GABRG2: variants seen among roughly 807,000 people sequenced by gnomAD.
The protein encoded by GABRG2 is gamma-aminobutyric acid type A receptor subunit gamma2, also known as gamma-aminobutyric acid receptor subunit gamma-2.
A neutral mutation model predicts 56.4 loss-of-function variants in GABRG2; 16 were observed. The ratio of observed to expected loss-of-function variants is 0.28; its 90% CI spans 0.19 to 0.43. The LOEUF (loss-of-function observed/expected upper bound fraction) is 0.43, where lower values mean the gene tolerates loss of function less well. GABRG2 is among the 20% of genes least tolerant of loss of function. The pLI is 1.00. For synonymous variants in GABRG2, 208 were observed against 205.5 expected (o/e 1.01, Z -0.10); for missense variants, 327 against 582.7 (o/e 0.56, Z 4.52).
intron 1 of GABRG2, among the ~76,000 whole-genome samples, chr5:162,080,565 CTCAAAACCAT>C (rs1192926565): frequency 6.6e-6 from 1 of 152,102 alleles, no homozygotes; most frequent in African/African-American, 2.4e-5. Flanking sequence ...AATGTACGGT[CTCAAAACCAT>C]TGTAAGTAAT....
In GABRG2 at chr5:162,075,703, C is replaced by A. The variant is rs762219336; in HGVS notation, c.107+7597C>A. Among the ~76,000 whole-genome samples, 32 of 151,736 alleles carry A rather than the reference C, an allele frequency of 2.1e-4. 1 individual carries two copies. The highest frequency in any genetic ancestry group is 3.2e-4 in the Non-Finnish European group (22 of 67,970). On this transcript the variant is annotated intron_variant, in intron 1 of 9. Coordinates refer to ENST00000639213, the MANE Select transcript of GABRG2 (RefSeq NM_198904.4). ...TCTTTTCCTAAAAAGGAAATATTTT[C>A]AACTTTTTTTACAGTATCTCACTGT...
intron 6 of GABRG2, among the ~76,000 whole-genome samples, chr5:162,136,076 C>T (rs543402166): frequency 2.6e-5 from 4 of 152,112 alleles, no homozygotes; most frequent in African/African-American, 9.6e-5. Context: ...GAGAATTTTC[C>T]CCTTGGAAAA....
chr5:162,078,501 G>C (rs1047137899), intron 1 of GABRG2, among the ~76,000 whole-genome samples: 4 of 138,900 alleles, frequency 2.9e-5, no homozygotes, highest in Admixed American at 2.3e-4. Context: ...GCGCCTCCCA[G>C]GTTCATGCAT....
chr5:162,087,006 C>A (rs141417115), intron 1 of GABRG2, among the ~76,000 whole-genome samples: 3 of 151,944 alleles, frequency 2.0e-5, no homozygotes, highest in Admixed American at 2.0e-4. Flanking sequence ...TCATTATTAG[C>A]AGATAATGCC....
In GABRG2 at chr5:162,090,301, GACATAC is replaced by G. The variant is rs1554097405; in HGVS notation, c.108-3508_108-3503del. 1.9e-3 allele frequency among the ~76,000 whole-genome samples: 274 copies of G among 145,588 alleles called. 1 individual carries two copies. The highest frequency in any genetic ancestry group is 6.6e-3 in the African/African-American group (247 of 37,526). On this transcript the variant is annotated intron_variant, in intron 1 of 9. Coordinates refer to ENST00000639213, the MANE Select transcript of GABRG2 (RefSeq NM_198904.4). ...ACACTTACACGTACATATACACATA[GACATAC>G]ACATACACATACACATACCATACAC...
chr5:162,113,636 A>G (rs1762407373), intron 6 of GABRG2, among the ~76,000 whole-genome samples: 3 of 152,212 alleles, frequency 2.0e-5, no homozygotes, highest in Admixed American at 2.0e-4. Flanking sequence ...TCCAAACATA[A>G]TTTGTAATCT....
chr5:162,082,957 T>G (rs912408514), intron 1 of GABRG2, among the ~76,000 whole-genome samples: 22 of 151,718 alleles, frequency 1.5e-4, no homozygotes, highest in African/African-American at 5.1e-4. Context: ...GATTTGGCAT[T>G]TGTTTACCTT....
chr5:162,126,025 G>T (rs184197334), intron 6 of GABRG2, among the ~76,000 whole-genome samples: 3 of 151,958 alleles, frequency 2.0e-5, no homozygotes, highest in Admixed American at 2.0e-4. Flanking sequence ...ATAGTATGGA[G>T]GTCAACCTCA....
At chr5:162,074,200 A>G (rs1234606666) in intron 1 of GABRG2, among the ~76,000 whole-genome samples, 3 of 152,008 alleles carry the variant, frequency 2.0e-5, no homozygotes, top group Admixed American at 1.3e-4. Context: ...AAATCATATT[A>G]ATCCCTACAG....
At chr5:162,126,637 C>T (rs978921388) in intron 6 of GABRG2, among the ~76,000 whole-genome samples, 2 of 151,962 alleles carry the variant, frequency 1.3e-5, no homozygotes, top group African/African-American at 4.8e-5. Context: ...ACACTTCACA[C>T]TCAATTCTCC....
intron 6 of GABRG2, 110 bp downstream of exon 6, chr5:162,104,136 T>A: frequency 1.0e-6 from 1 of 990,688 alleles, no homozygotes; most frequent in Non-Finnish European, 1.6e-6. Context: ...ATCAGAAAAT[T>A]AAATGAAGTG....
At chr5:162,085,427 C>A (rs1176876423) in intron 1 of GABRG2, among the ~76,000 whole-genome samples, 1 of 151,848 alleles carries the variant, frequency 6.6e-6, no homozygotes, top group Non-Finnish European at 1.5e-5. Context: ...TTCTTTCTAA[C>A]CACAATTTAA....
rs1025917717 is a variant in GABRG2 at position 162,153,664 on chromosome 5, G to T, written c.*296G>T. ...AGCTACAGCAAATAAAACAGTGAAA[G>T]CCCTGACTATTTACAGTAGTGGTAT... On this transcript the variant is annotated 3_prime_UTR_variant, in exon 10 of 10. Transcript: ENST00000639213. 187 of 489,704 alleles carry T rather than the reference G, an allele frequency of 3.8e-4. 1 individual carries two copies. The highest frequency in any genetic ancestry group is 4.8e-4 in the Non-Finnish European group (130 of 268,802). 30.3% of individuals were successfully genotyped at this position (489,704 alleles called of 1,614,324 possible). A position where few individuals can be genotyped will look rare whatever the true frequency, so the allele number is the denominator to read the frequency against.
chr5:162,096,390 A>C (rs745619218), intron 3 of GABRG2, among the ~76,000 whole-genome samples: 5 of 152,158 alleles, frequency 3.3e-5, no homozygotes, highest in African/African-American at 1.2e-4. Flanking sequence ...TAGGAATAAC[A>C]GTCCCCAGAA....
intron 1 of GABRG2, among the ~76,000 whole-genome samples, chr5:162,073,565 G>C (rs975829354): frequency 6.6e-6 from 1 of 151,886 alleles, no homozygotes; most frequent in Non-Finnish European, 1.5e-5. Flanking sequence ...CAATATTAAA[G>C]TAGAAATAAT....
At chr5:162,084,675 C>T (rs1313284785) in intron 1 of GABRG2, among the ~76,000 whole-genome samples, 1 of 151,818 alleles carries the variant, frequency 6.6e-6, no homozygotes, top group Non-Finnish European at 1.5e-5. Flanking sequence ...ATATGCCGCA[C>T]CTTGCATATT....
intron 6 of GABRG2, among the ~76,000 whole-genome samples, chr5:162,117,232 G>C (rs957246430): frequency 6.6e-6 from 1 of 152,174 alleles, no homozygotes; most frequent in African/African-American, 2.4e-5. Flanking sequence ...TTGTTGTACT[G>C]CTGGGACAGC....
chr5:162,144,595 C>T (rs1270308268), intron 7 of GABRG2, among the ~76,000 whole-genome samples: 1 of 152,166 alleles, frequency 6.6e-6, no homozygotes. Context: ...GTAGAAGTTG[C>T]TGTAATGATC....
chr5:162,126,309 CTAGAGGATTGGATGT>C (rs1356649877), intron 6 of GABRG2, among the ~76,000 whole-genome samples: 1 of 151,910 alleles, frequency 6.6e-6, no homozygotes. Flanking sequence ...GAAAGGCATT[CTAGAGGATTGGATGT>C]TTATCACAGT....
Sources: allele counts gnomAD v4.1 joint callset (sites outside exome capture counted in the v4.1 genomes callset), GRCh38; gene constraint gnomAD v4.1.1; transcripts MANE v1.5; gene names NCBI Gene and HGNC (gene_info 2026-07-23, HGNC 2026-07-21).